BSN: variants seen among roughly 807,000 people sequenced by gnomAD.
BSN encodes bassoon presynaptic cytomatrix protein, also known as protein bassoon.
In BSN, 57 loss-of-function variants were observed where a neutral mutation model predicts 264.8. That is an observed-to-expected ratio of 0.22 (90% confidence interval 0.17 to 0.27). The LOEUF is 0.27. BSN is among the 10% of genes least tolerant of loss of function. The pLI, the probability that BSN is intolerant of heterozygous loss-of-function variation, is 1.00. For missense variants in BSN, 4,615 were observed against 5,232.5 expected (o/e 0.88, Z 3.64); for synonymous variants, 2,059 against 2,137.3 (o/e 0.96, Z 1.01).
Position 49,654,515 on chromosome 3 carries a change from G to C in BSN, c.4959G>C (p.Arg1653Ser), listed in dbSNP as rs2052577260. The C allele has an allele frequency of 1.2e-6, 2 of 1,611,080 alleles. No homozygotes were observed. Among genetic ancestry groups the C allele is most frequent in the Non-Finnish European group, 1.7e-6 (2 of 1,178,676 alleles). The change falls in exon 5 of 12, where the codon AGG becomes AGC. Residue 1653 changes from arginine (R) to serine (S), a missense_variant. Physicochemically the swap from Arg to Ser is moderately radical, Grantham distance 110 (BLOSUM62 -1). Transcript: ENST00000296452. The surrounding 1 kb of genome is among the most constrained non-coding windows in gnomAD (Gnocchi z 4.1). ...CRISSVPGTS[R>S]VEPGPRTPGT... is the part of the protein sequence containing the mutation. The stretch of plus-strand genomic sequence containing the variant: ...TCTCCTCTGTCCCTGGGACGTCTAG[G>C]GTTGAGCCAGGCCCCAGGACCCCTG...
At chr3:49,571,779 C>G (rs149581950) in intron 1 of BSN, among the ~76,000 whole-genome samples, 75 of 152,256 alleles carry the variant, frequency 4.9e-4, no homozygotes, top group African/African-American at 1.8e-3. Flanking sequence ...AGACCCACAC[C>G]ATGTAAGTGA....
intron 1 of BSN, among the ~76,000 whole-genome samples, chr3:49,607,251 C>T (rs1386552976): frequency 1.3e-5 from 2 of 152,174 alleles, no homozygotes; most frequent in Non-Finnish European, 2.9e-5. Flanking sequence ...TGTTGTCAAG[C>T]CAGGGAAGGA....
intron 1 of BSN, among the ~76,000 whole-genome samples, chr3:49,604,214 G>A (rs1187119448): frequency 6.6e-6 from 1 of 151,970 alleles, no homozygotes; most frequent in Non-Finnish European, 1.5e-5. Context: ...ACATGCCACT[G>A]TGCCCAGCTC....
At chr3:49,634,207 TAAAA>T (rs77766983) in intron 2 of BSN, among the ~76,000 whole-genome samples, 1 of 139,920 alleles carries the variant, frequency 7.1e-6, no homozygotes, top group African/African-American at 2.7e-5. Flanking sequence ...ACTCTGCCTT[TAAAA>T]AAAAAAAAAA....
chr3:49,651,453 C>T lies in BSN; in HGVS notation c.1987-90C>T. 1.5e-6 allele frequency: 2 copies of T among 1,378,858 alleles called. No homozygotes were observed. The highest frequency in any genetic ancestry group is 2.0e-6 in the Non-Finnish European group (2 of 1,014,650). The allele number at this position is 1,378,858 out of a possible 1,614,324, so 85.4% of individuals were successfully genotyped here. On this transcript the variant is annotated intron_variant, in intron 4 of 11. Transcript: ENST00000296452. The surrounding 1 kb of genome is among the most constrained non-coding windows in gnomAD (Gnocchi z 5.4). The stretch of plus-strand genomic sequence containing the variant: ...ACCCTTGGGAAATGGACAGACTCTT[C>T]CCCAGGGTCCTGGGATTGACAGGGA...
Position 49,664,477 on chromosome 3 carries a change from C to G in BSN, c.11663C>G (p.Pro3888Arg). 5 of 1,613,564 alleles carry G rather than the reference C, an allele frequency of 3.1e-6. No homozygotes were observed. Among genetic ancestry groups the G allele is most frequent in the Non-Finnish European group, 4.2e-6 (5 of 1,179,942 alleles). The change falls in exon 9 of 12, where the codon CCA (proline) becomes CGA (arginine). Residue 3888 changes from proline to arginine, a missense_variant. By Grantham distance (103) the Pro-to-Arg change is moderately radical. Transcript: ENST00000296452. ...GGTPGAPAGQ[P>R]GADGESVFSK... ...ACCCCAGGGGCTCCCGCCGGCCAGC[C>G]AGGTGCCGATGGGGAGAGCGTGTTC...
intron 1 of BSN, among the ~76,000 whole-genome samples, chr3:49,589,836 TTTTC>T (rs1426759377): frequency 1.5e-5 from 2 of 137,616 alleles, no homozygotes; most frequent in South Asian, 2.3e-4. Context: ...CCTTCTTTCT[TTTTC>T]TTTGTTTTTT....
At chr3:49,636,680 AG>A (rs1431662942) in intron 2 of BSN, among the ~76,000 whole-genome samples, 1 of 152,224 alleles carries the variant, frequency 6.6e-6, no homozygotes, top group Non-Finnish European at 1.5e-5. Flanking sequence ...GACCTTCCTC[AG>A]GGCTCTGATA....
At chr3:49,598,945 GGCT>G (rs1376092293) in intron 1 of BSN, among the ~76,000 whole-genome samples, 2 of 152,010 alleles carry the variant, frequency 1.3e-5, no homozygotes, top group Non-Finnish European at 2.9e-5. Flanking sequence ...ATGTTTTGGA[GGCT>G]GCTATCACAG....
At chr3:49,629,531 C>A (rs1873625) in intron 2 of BSN, among the ~76,000 whole-genome samples, 41,928 of 152,268 alleles carry the variant, frequency 0.28, 6,346 homozygotes, top group Middle Eastern at 0.3. Flanking sequence ...TCAGGGACTT[C>A]CATGCCCCAC....
chr3:49,642,612 C>T lies in BSN; in HGVS notation c.978C>T (p.Ala326=). 1 of 1,603,382 alleles carries T rather than the reference C, an allele frequency of 6.2e-7. No homozygotes were observed. The highest frequency in any genetic ancestry group is 8.5e-7 in the Non-Finnish European group (1 of 1,173,764). ...EPRPPAGEAP[A]KSATAVPAGL... is the part of the protein sequence containing the mutation. ...GGCCACCTGCAGGAGAGGCCCCGGCCAAAAGTGCCACCGCAGTGCCCGCTG... is the reference window on the plus strand; with the variant it reads ...GGCCACCTGCAGGAGAGGCCCCGGCTAAAAGTGCCACCGCAGTGCCCGCTG... Residue 326 remains alanine (A), a synonymous_variant, in exon 3 of 12, where the codon GCC becomes GCT. Transcript: ENST00000296452. The surrounding 1 kb of genome is among the most constrained non-coding windows in gnomAD (Gnocchi z 7.0).
rs1231043562 is a variant in BSN at position 49,564,071 on chromosome 3, GC to G, written c.224+9246del. On this transcript the variant is annotated intron_variant, in intron 1 of 11. Coordinates refer to ENST00000296452, the MANE Select transcript of BSN (RefSeq NM_003458.4). ...GGACTTCACTTCTCCAGCTCCTGTG[GC>G]TGTGATGGGACTCTGAGACCCTTGC... Among the ~76,000 whole-genome samples, 8 of 152,230 alleles carry G rather than the reference GC, an allele frequency of 5.3e-5. No individual in the cohort carries two copies. In the East Asian group the frequency reaches 1.5e-3, roughly 29 times the overall value.
In BSN at chr3:49,657,048, A is replaced by G; in HGVS notation, c.7492A>G (p.Asn2498Asp). 2 of 1,609,764 alleles carry G rather than the reference A, an allele frequency of 1.2e-6. No homozygotes were observed. Among genetic ancestry groups the G allele is most frequent in the Non-Finnish European group, 1.7e-6 (2 of 1,177,316 alleles). Residue 2498 changes from asparagine (N) to aspartate (D), a missense_variant, in exon 5 of 12, where the codon AAT becomes GAT. Transcript: ENST00000296452. ...PPLAAAELAQ[N>D]GQYWPPLTHA... ...CCTAGCGGCTGCTGAGTTGGCCCAGAATGGCCAGTATTGGCCCCCCCTTAC... is the reference window on the plus strand; with the variant it reads ...CCTAGCGGCTGCTGAGTTGGCCCAGGATGGCCAGTATTGGCCCCCCCTTAC...
chr3:49,578,496 C>T (rs779783777), intron 1 of BSN, among the ~76,000 whole-genome samples: 10 of 151,996 alleles, frequency 6.6e-5, no homozygotes, highest in Non-Finnish European at 1.5e-4. Context: ...CAAGTTCCGC[C>T]TCCTGGGTTC....
intron 1 of BSN, among the ~76,000 whole-genome samples, chr3:49,562,246 G>T (rs1243081501): frequency 1.3e-5 from 2 of 152,156 alleles, no homozygotes; most frequent in African/African-American, 4.8e-5. Flanking sequence ...ATTCTACATA[G>T]AAATGGAACA....
chr3:49,662,732 T>G (rs1575452992), intron 6 of BSN, 144 bp from the exon 7 acceptor site: 2 of 616,528 alleles, frequency 3.2e-6, no homozygotes, highest in Non-Finnish European at 4.8e-6. Context: ...CCCTGGTCCG[T>G]GGTTGCGGGA....
chr3:49,655,923 G>A lies in BSN; in HGVS notation c.6367G>A (p.Asp2123Asn), dbSNP rs777067125. Residue 2123 changes from aspartate (D) to asparagine (N), a missense_variant, in exon 5 of 12, where the codon GAC (aspartate) becomes AAC (asparagine). Physicochemically the swap from Asp to Asn is conservative, Grantham distance 23. Transcript: ENST00000296452. The part of the protein sequence containing the change: ...GRHGSGGGGP[D>N]LVQYQPQHGP... ...GCATGGCAGTGGTGGTGGTGGCCCTGACCTTGTGCAGTACCAGCCCCAGCA... is the reference window on the plus strand; with the variant it reads ...GCATGGCAGTGGTGGTGGTGGCCCTAACCTTGTGCAGTACCAGCCCCAGCA... 3 of 1,611,710 alleles carry A rather than the reference G, an allele frequency of 1.9e-6. No individual in the cohort carries two copies. Among genetic ancestry groups the A allele is most frequent in the East Asian group, 4.5e-5 (2 of 44,876 alleles).
chr3:49,590,858 C>A (rs1438612409), intron 1 of BSN, among the ~76,000 whole-genome samples: 1 of 151,910 alleles, frequency 6.6e-6, no homozygotes, highest in African/African-American at 2.4e-5. Flanking sequence ...GTAATCCCAA[C>A]ACTTTGGGAG....
chr3:49,556,557 G>T (rs999641617), intron 1 of BSN, among the ~76,000 whole-genome samples: 1 of 152,196 alleles, frequency 6.6e-6, no homozygotes, highest in Non-Finnish European at 1.5e-5. Context: ...CTGAGGTCCT[G>T]TGACTATCAG....
Sources: allele counts gnomAD v4.1 joint callset (sites outside exome capture counted in the v4.1 genomes callset), GRCh38; gene constraint gnomAD v4.1.1; non-coding constraint Gnocchi (gnomAD v3.1); transcripts MANE v1.5; gene names NCBI Gene and HGNC (gene_info 2026-07-23, HGNC 2026-07-21).